The following AGBL1 variants were observed in gnomAD, a reference collection of about 807,000 sequenced individuals.
AGBL1 encodes the protein AGBL carboxypeptidase 1.
A neutral mutation model predicts 118.9 loss-of-function variants in AGBL1; 130 were observed. That is an observed-to-expected ratio of 1.09 (90% CI 0.95 to 1.26). The LOEUF (loss-of-function observed/expected upper bound fraction) is 1.26, where lower values mean the gene tolerates loss of function less well. AGBL1 is among the 50% of genes most tolerant of loss of function. The pLI is 0.00. For missense variants in AGBL1, 1,584 were observed against 1,298.1 expected, an observed-to-expected ratio of 1.22 and a Z score of -3.38; for synonymous variants, 555 against 478.9, an observed-to-expected ratio of 1.16 and a Z score of -2.08.
chr15:87,019,209 C>T (rs2141798731), intron 24 of AGBL1, among the ~76,000 whole-genome samples: 1 of 152,170 alleles, frequency 6.6e-6, no homozygotes, highest in East Asian at 1.9e-4. Flanking sequence ...TTAGACATAT[C>T]ATCAAGGAAG....
At chr15:86,577,100 C>T (rs1051843560) in intron 21 of AGBL1, among the ~76,000 whole-genome samples, 1 of 152,112 alleles carries the variant, frequency 6.6e-6, no homozygotes, top group East Asian at 1.9e-4. Context: ...CAGAAGAAGA[C>T]AGGAAAATGT....
At chr15:86,895,614 T>C (rs2080114661) in intron 22 of AGBL1, among the ~76,000 whole-genome samples, 1 of 151,654 alleles carries the variant, frequency 6.6e-6, no homozygotes, top group Admixed American at 6.6e-5. Context: ...TAATTTCTTT[T>C]TTCTGCCTCG....
In AGBL1 at chr15:86,613,102, G is replaced by A. The variant is rs889890824; in HGVS notation, c.2994+58565G>A. ...AATCACTTTGGGCACATGTTCTCAG[G>A]ACCACCTGAGGCTGTGTTACAGGCC... On this transcript the variant is annotated intron_variant, in intron 21 of 22. Transcript: ENST00000614907. The surrounding 1 kb of genome is among the most constrained non-coding windows in gnomAD (Gnocchi z 4.2). Among the ~76,000 whole-genome samples the A allele has an allele frequency of 6.6e-6, 1 of 152,172 alleles. No homozygotes were observed. The highest frequency in any genetic ancestry group is 2.4e-5 in the African/African-American group (1 of 41,438).
At chr15:86,288,982 G>T (rs540994003) in intron 16 of AGBL1, among the ~76,000 whole-genome samples, 2 of 152,138 alleles carry the variant, frequency 1.3e-5, no homozygotes, top group Non-Finnish European at 2.9e-5. Flanking sequence ...TGGCTTCATT[G>T]TATATTACTA....
intron 5 of AGBL1, among the ~76,000 whole-genome samples, chr15:86,210,799 T>C (rs561349977): frequency 6.6e-6 from 1 of 152,284 alleles, no homozygotes; most frequent in South Asian, 2.1e-4. Context: ...ATTACTGACC[T>C]TCTGAAGCCT....
At chr15:86,961,159 A>C (rs1040650321) in intron 23 of AGBL1, among the ~76,000 whole-genome samples, 12 of 152,092 alleles carry the variant, frequency 7.9e-5, no homozygotes, top group African/African-American at 1.4e-4. Context: ...TGATGTGGTT[A>C]TCATTTCACA....
At chr15:86,538,080 C>T (rs1476422064) in intron 19 of AGBL1, among the ~76,000 whole-genome samples, 3 of 152,116 alleles carry the variant, frequency 2.0e-5, no homozygotes, top group Admixed American at 1.3e-4. Context: ...CATAAAGGGT[C>T]CCACTGTGGG....
intron 22 of AGBL1, among the ~76,000 whole-genome samples, chr15:86,859,555 AG>A (rs1478282017): frequency 2.6e-5 from 4 of 152,176 alleles, no homozygotes; most frequent in African/African-American, 9.7e-5. Flanking sequence ...TTGGGTTCAA[AG>A]GTTGCTACTA....
chr15:86,185,766 G>C (rs2077622458), intron 5 of AGBL1, among the ~76,000 whole-genome samples: 1 of 151,586 alleles, frequency 6.6e-6, no homozygotes, highest in African/African-American at 2.4e-5. Flanking sequence ...TGGGGTGGGG[G>C]GCTGGGGGAG....
chr15:86,405,597 G>A (rs1485278147), intron 18 of AGBL1, among the ~76,000 whole-genome samples: 1 of 152,090 alleles, frequency 6.6e-6, no homozygotes, highest in Non-Finnish European at 1.5e-5. Context: ...CATACGTAAC[G>A]AAATTCCTAA....
intron 1 of AGBL1, among the ~76,000 whole-genome samples, chr15:86,085,667 C>T (rs1250966654): frequency 1.3e-5 from 2 of 152,182 alleles, no homozygotes; most frequent in African/African-American, 2.4e-5. Flanking sequence ...CTTACCTCAT[C>T]CTAGTATCTC....
At chr15:86,676,888 G>A (rs2085858565) in intron 22 of AGBL1, among the ~76,000 whole-genome samples, 1 of 152,094 alleles carries the variant, frequency 6.6e-6, no homozygotes, top group Non-Finnish European at 1.5e-5. Context: ...GGATCACGAG[G>A]TCAGGAGTTC....
intron 23 of AGBL1, among the ~76,000 whole-genome samples, chr15:86,945,092 A>G (rs569445249): frequency 1.4e-4 from 21 of 152,106 alleles, no homozygotes; most frequent in South Asian, 8.3e-4. Context: ...TGATAAAACA[A>G]TGTTATGCCT....
intron 21 of AGBL1, among the ~76,000 whole-genome samples, chr15:86,646,948 A>C (rs2085289077): frequency 6.6e-6 from 1 of 152,176 alleles, no homozygotes; most frequent in African/African-American, 2.4e-5. Context: ...TTAGTTTTTT[A>C]AAGTGTCATG....
chr15:86,880,374 G>A (rs144194038), intron 22 of AGBL1, among the ~76,000 whole-genome samples: 3 of 152,258 alleles, frequency 2.0e-5, no homozygotes, highest in African/African-American at 4.8e-5. Flanking sequence ...AGGATTAAAG[G>A]GGAAACAGGG....
chr15:86,529,292 C>T (rs1442960702), intron 19 of AGBL1, among the ~76,000 whole-genome samples: 1 of 134,094 alleles, frequency 7.5e-6, no homozygotes, highest in Non-Finnish European at 1.5e-5. Context: ...AACCAAGGCT[C>T]GAGAACTACG....
chr15:86,267,600 C>T (rs1294047502), intron 13 of AGBL1, among the ~76,000 whole-genome samples: 1 of 152,136 alleles, frequency 6.6e-6, no homozygotes, highest in Non-Finnish European at 1.5e-5. Flanking sequence ...CCATGCCTCT[C>T]TAGCAGAACC....
At chr15:87,017,658 G>A (rs1316484995) in intron 24 of AGBL1, among the ~76,000 whole-genome samples, 1 of 152,120 alleles carries the variant, frequency 6.6e-6, no homozygotes, top group Non-Finnish European at 1.5e-5. Context: ...CAGCCTCAAA[G>A]ATGGAAGGTA....
intron 5 of AGBL1, among the ~76,000 whole-genome samples, chr15:86,204,251 C>T (rs2077953766): frequency 6.6e-6 from 1 of 152,208 alleles, no homozygotes; most frequent in Admixed American, 6.5e-5. Context: ...CTCCTGCCAA[C>T]TCAGTACCTT....
Sources: allele counts gnomAD v4.1 joint callset (sites outside exome capture counted in the v4.1 genomes callset), GRCh38; gene constraint gnomAD v4.1.1; non-coding constraint Gnocchi (gnomAD v3.1); transcripts MANE v1.5; gene names NCBI Gene and HGNC (gene_info 2026-07-23, HGNC 2026-07-21).